The following FBXW2 variants were observed in gnomAD, a reference collection of about 807,000 sequenced individuals.
The protein encoded by FBXW2 is F-box/WD repeat-containing protein 2.
Under a neutral mutation model 46.0 loss-of-function variants are expected in FBXW2, and 12 were observed. That is an observed-to-expected ratio of 0.26 (90% CI 0.17 to 0.42). The LOEUF (loss-of-function observed/expected upper bound fraction) is 0.42. Among genes scored for constraint, FBXW2 ranks in the 10% least tolerant of loss-of-function variants. The probability of loss-of-function intolerance (pLI) is 1.00; values close to 1 mark genes in which losing one functional copy is unlikely to be tolerated. For synonymous variants in FBXW2, 203 were observed against 209.6 expected, an observed-to-expected ratio of 0.97 and a Z score of 0.27; for missense variants, 360 against 537.0, an observed-to-expected ratio of 0.67 and a Z score of 3.26.
intron 3 of FBXW2, among the ~76,000 whole-genome samples, chr9:120,783,385 A>AT (rs528935259): frequency 1.1e-3 from 161 of 152,274 alleles, no homozygotes; most frequent in African/African-American, 3.8e-3. Context: ...AAAGAGGACT[A>AT]AAGAAATGTG....
chr9:120,778,261 A>T, intron 4 of FBXW2, 90 bp downstream of exon 4: 1 of 1,151,942 alleles, frequency 8.7e-7, no homozygotes, highest in Non-Finnish European at 1.2e-6. Context: ...AGCAGGTTAA[A>T]TTAAAAAAAA....
chr9:120,776,188 C>G lies in FBXW2; in HGVS notation c.724G>C (p.Val242Leu), dbSNP rs1482085023. ...VDYNDELDIL[V>L]SGSADFTVKV... ...ACAGTGAAGTCTGCAGAGCCGCTCACCAAGATATCCAGTTCATCATTGTAG... is the reference window on the plus strand; with the variant it reads ...ACAGTGAAGTCTGCAGAGCCGCTCAGCAAGATATCCAGTTCATCATTGTAG... The change falls in exon 5 of 8, where the codon GTG becomes CTG. Residue 242 changes from valine (V) to leucine (L), a missense_variant. By Grantham distance (32) the Val-to-Leu change is conservative. Coordinates refer to ENST00000608872, the MANE Select transcript of FBXW2 (RefSeq NM_012164.4). 3 of 1,614,118 alleles carry G rather than the reference C, an allele frequency of 1.9e-6. No homozygotes were observed. Among genetic ancestry groups the G allele is most frequent in the Non-Finnish European group, 2.5e-6 (3 of 1,180,024 alleles).
At chr9:120,780,874 G>C (rs1466549329) in intron 3 of FBXW2, among the ~76,000 whole-genome samples, 1 of 152,068 alleles carries the variant, frequency 6.6e-6, no homozygotes, top group Admixed American at 6.6e-5. Flanking sequence ...TACAAGGAGA[G>C]GACAAGAAGA....
chr9:120,788,189 G>T lies in FBXW2; in HGVS notation c.70C>A (p.Gln24Lys). 1.2e-6 allele frequency: 2 copies of T among 1,614,142 alleles called. No individual in the cohort carries two copies. Among genetic ancestry groups the T allele is most frequent in the Non-Finnish European group, 1.7e-6 (2 of 1,180,028 alleles). The change falls in exon 3 of 8, where the codon CAG becomes AAG. Residue 24 changes from glutamine (Q) to lysine (K), a missense_variant. By Grantham distance (53) the Gln-to-Lys change is moderately conservative. Coordinates refer to ENST00000608872, the MANE Select transcript of FBXW2 (RefSeq NM_012164.4). Reference sequence around the variant, plus strand: ...AGGTGATCCAGAGTTTCATTTTTCTGCAAGTCCGTCAGAGAAAGAAATGTA... The same window carrying T: ...AGGTGATCCAGAGTTTCATTTTTCTTCAAGTCCGTCAGAGAAAGAAATGTA... ...SVTFLSLTDLQKNETLDHLIS... is the reference protein window; with the variant it reads ...SVTFLSLTDLKKNETLDHLIS...
At chr9:120,790,570 T>A (rs749178715) in intron 2 of FBXW2, among the ~76,000 whole-genome samples, 1 of 151,170 alleles carries the variant, frequency 6.6e-6, no homozygotes, top group Non-Finnish European at 1.5e-5. Context: ...GCTTCCTCCA[T>A]CACATCTACA....
chr9:120,784,543 G>A (rs1278346828), intron 3 of FBXW2, among the ~76,000 whole-genome samples: 1 of 151,976 alleles, frequency 6.6e-6, no homozygotes, highest in Non-Finnish European at 1.5e-5. Flanking sequence ...GAGCCCAGGA[G>A]GTGGAGGTTG....
intron 3 of FBXW2, among the ~76,000 whole-genome samples, chr9:120,786,311 T>C (rs1201561090): frequency 6.6e-6 from 1 of 152,156 alleles, no homozygotes; most frequent in Admixed American, 6.5e-5. Context: ...GAGTGAGTTC[T>C]CTCCAGACCT....
intron 1 of FBXW2, 40 bp from the exon 2 acceptor site, chr9:120,793,297 C>T (rs962347485): frequency 3.1e-5 from 14 of 450,448 alleles, no homozygotes; most frequent in African/African-American, 2.4e-4. Context: ...GGCGGGTCAG[C>T]AGAGCCGCGG....
chr9:120,776,340 G>T, intron 4 of FBXW2, 114 bp from the exon 5 acceptor site: 1 of 1,204,854 alleles, frequency 8.3e-7, no homozygotes, highest in Non-Finnish European at 1.1e-6. Context: ...CAGAGACACC[G>T]TAAGAATGAT....
chr9:120,778,665 T>C, intron 3 of FBXW2, 120 bp from the exon 4 acceptor site: 3 of 833,658 alleles, frequency 3.6e-6, no homozygotes, highest in South Asian at 3.6e-5. Context: ...CACTTTACTT[T>C]ACCACTGAAG....
At chr9:120,792,882 C>T (rs1173254872) in intron 2 of FBXW2, 6 of 1,515,526 alleles carry the variant, frequency 4.0e-6, no homozygotes, top group Non-Finnish European at 5.3e-6. Flanking sequence ...ACCCCACATA[C>T]ACACCTGTTT....
At position 120,776,108 on chromosome 9, in the gene FBXW2, C is replaced by T. The variant is rs760471431; in HGVS notation, c.804G>A (p.Thr268=). Residue 268 remains threonine, a synonymous_variant, in exon 5 of 8, where the codon ACG becomes ACA. Coordinates refer to ENST00000608872, the MANE Select transcript of FBXW2 (RefSeq NM_012164.4). ...GTCLNTLTGH[T]EWVTKVVLQK... The stretch of plus-strand genomic sequence containing the variant: ...GTCTTCCTACCTTGGTGACCCATTC[C>T]GTGTGCCCGGTGAGTGTGTTCAGGC... 12 of 1,613,738 alleles carry T rather than the reference C, an allele frequency of 7.4e-6. No homozygotes were observed. The highest frequency in any genetic ancestry group is 2.7e-5 in the African/African-American group (2 of 74,826).
Position 120,764,436 on chromosome 9 carries a change from G to T in FBXW2, c.*123C>A. ...CCTGGCAAAACATAGATAAATGATTGTGCACTGCGTGATGATACCATTAGG... is the reference window on the plus strand; with the variant it reads ...CCTGGCAAAACATAGATAAATGATTTTGCACTGCGTGATGATACCATTAGG... On this transcript the variant is annotated 3_prime_UTR_variant, in exon 8 of 8. Transcript: ENST00000608872. 2 of 1,096,416 alleles carry T rather than the reference G, an allele frequency of 1.8e-6. No individual in the cohort carries two copies. Among genetic ancestry groups the T allele is most frequent in the Non-Finnish European group, 2.7e-6 (2 of 753,776 alleles). 67.9% of individuals were successfully genotyped at this position (1,096,416 alleles called of 1,614,324 possible). A position where few individuals can be genotyped will look rare whatever the true frequency, so the allele number is the denominator to read the frequency against.
At chr9:120,775,675 C>A (rs1020067617) in intron 5 of FBXW2, among the ~76,000 whole-genome samples, 1 of 152,080 alleles carries the variant, frequency 6.6e-6, no homozygotes, top group African/African-American at 2.4e-5. Flanking sequence ...TTCTTGTAAG[C>A]GTTATTTTTT....
intron 2 of FBXW2, 56 bp from the exon 3 acceptor site, chr9:120,788,334 A>G: frequency 1.4e-6 from 2 of 1,479,046 alleles, no homozygotes; most frequent in Non-Finnish European, 1.8e-6. Context: ...TTCAAGCAAG[A>G]CTGCTAACAA....
intron 3 of FBXW2, among the ~76,000 whole-genome samples, chr9:120,782,773 T>G (rs981186889): frequency 2.6e-5 from 4 of 151,816 alleles, no homozygotes; most frequent in African/African-American, 9.7e-5. Context: ...GTCCAGGAGG[T>G]AGAAGTTACA....
At position 120,763,953 on chromosome 9, in the gene FBXW2, A is replaced by G. The variant is rs1236903048; in HGVS notation, c.*606T>C. The G allele has an allele frequency of 6.5e-6, 1 of 153,934 alleles. No individual in the cohort carries two copies. The highest frequency in any genetic ancestry group is 2.4e-5 in the African/African-American group (1 of 41,514). 9.5% of individuals were successfully genotyped at this position (153,934 alleles called of 1,614,324 possible). ...AACATGGCCAACCTTGACTCTGCCA[A>G]GATATAAGGTTTAGAATGAGTTGCT... On this transcript the variant is annotated 3_prime_UTR_variant, in exon 8 of 8. Coordinates refer to ENST00000608872, the MANE Select transcript of FBXW2 (RefSeq NM_012164.4).
At chr9:120,793,297 C>G (rs962347485) in intron 1 of FBXW2, 40 bp from the exon 2 acceptor site, 10 of 450,450 alleles carry the variant, frequency 2.2e-5, no homozygotes, top group Middle Eastern at 5.6e-4. Context: ...GGCGGGTCAG[C>G]AGAGCCGCGG....
intron 5 of FBXW2, among the ~76,000 whole-genome samples, chr9:120,774,237 T>A (rs1352585189): frequency 6.8e-6 from 1 of 148,014 alleles, no homozygotes; most frequent in Non-Finnish European, 1.5e-5. Flanking sequence ...CTCTGGAGGC[T>A]GAAGCAGGAG....
Sources: gnomAD v4.1 joint callset for allele counts (sites outside exome capture counted in the v4.1 genomes callset) on GRCh38, gnomAD v4.1.1 for gene constraint, MANE v1.5 for transcripts, NCBI Gene and HGNC (gene_info 2026-07-23, HGNC 2026-07-21) for gene names.